The following TAF4 variants were observed in gnomAD, a reference collection of about 807,000 sequenced individuals.
The protein encoded by TAF4 is transcription initiation factor TFIID subunit 4.
TAF4 carries 9 observed loss-of-function variants against 90.3 expected under a neutral mutation model. The ratio of observed to expected loss-of-function variants is 0.10; its 90% CI spans 0.06 to 0.17. The LOEUF is 0.17. Among genes scored for constraint, TAF4 ranks in the 10% least tolerant of loss-of-function variants. The pLI, the probability that TAF4 is intolerant of heterozygous loss-of-function variation, is 1.00. For missense variants in TAF4, 1,351 were observed against 1,370.7 expected (o/e 0.99, Z 0.23); for synonymous variants, 818 against 638.9 (o/e 1.28, Z -4.23).
chr20:61,998,024 A>T (rs2055674241), intron 13 of TAF4, 112 bp downstream of exon 13: 1 of 999,342 alleles, frequency 1.0e-6, no homozygotes, highest in African/African-American at 1.6e-5. Context: ...TTTTAAACAG[A>T]CACGCAAATG....
At chr20:62,054,631 T>C (rs531921272) in intron 1 of TAF4, among the ~76,000 whole-genome samples, 7 of 152,100 alleles carry the variant, frequency 4.6e-5, no homozygotes, top group Non-Finnish European at 1.0e-4. Flanking sequence ...CACCCAGGTG[T>C]CCACCCTCAC....
At chr20:62,034,806 T>C (rs538900398) in intron 1 of TAF4, among the ~76,000 whole-genome samples, 22 of 151,000 alleles carry the variant, frequency 1.5e-4, no homozygotes, top group Middle Eastern at 3.4e-3. Context: ...TTCATGGATA[T>C]AGTCACTATC....
At chr20:62,005,513 T>C (rs2055738959) in intron 7 of TAF4, 1 of 152,280 alleles carries the variant, frequency 6.6e-6, no homozygotes. Context: ...TTGGGTAAAG[T>C]AGCTCCACTG....
intron 7 of TAF4, among the ~76,000 whole-genome samples, chr20:62,004,317 T>G (rs541337164): frequency 6.4e-5 from 8 of 124,896 alleles, no homozygotes; most frequent in Middle Eastern, 8.0e-3. Flanking sequence ...TTTTCTTTTT[T>G]CTTTTCTTTT....
intron 1 of TAF4, among the ~76,000 whole-genome samples, chr20:62,035,849 T>C (rs1238329059): frequency 1.3e-5 from 2 of 152,114 alleles, no homozygotes; most frequent in Non-Finnish European, 2.9e-5. Flanking sequence ...ACAGAACTCC[T>C]ATAATTAATA....
chr20:62,048,155 C>G (rs1045642619), intron 1 of TAF4, among the ~76,000 whole-genome samples: 2 of 152,214 alleles, frequency 1.3e-5, no homozygotes, highest in Admixed American at 1.3e-4. Context: ...CCTGTGGCTG[C>G]GACATACCTA....
chr20:61,997,166 T>C (rs2055668544), intron 14 of TAF4, among the ~76,000 whole-genome samples: 1 of 152,188 alleles, frequency 6.6e-6, no homozygotes, highest in South Asian at 2.1e-4. Context: ...GCAGCAATTC[T>C]TCCCCTTCAT....
rs1348326249 is a variant in TAF4, at chr20:62,053,161, G to C, written c.1360+11290C>G. Among the ~76,000 whole-genome samples, 5 of 152,178 alleles carry C rather than the reference G, an allele frequency of 3.3e-5. No homozygotes were observed. In the East Asian group the frequency reaches 9.7e-4, roughly 30 times the overall value. On this transcript the variant is annotated intron_variant, in intron 1 of 14. Transcript: ENST00000252996. ...CTGGCCCACAGAGCACCCGAAAGTGGAAGAGGGTGGCCCTATCACCTGTCC... is the reference window on the plus strand; with the variant it reads ...CTGGCCCACAGAGCACCCGAAAGTGCAAGAGGGTGGCCCTATCACCTGTCC...
intron 1 of TAF4, among the ~76,000 whole-genome samples, chr20:62,021,982 C>T (rs1682365011): frequency 1.3e-5 from 2 of 152,148 alleles, no homozygotes; most frequent in South Asian, 4.1e-4. Flanking sequence ...CTCAGGCACA[C>T]AGCGGCCAGC....
chr20:62,040,663 T>C (rs988798638), intron 1 of TAF4, among the ~76,000 whole-genome samples: 4 of 152,124 alleles, frequency 2.6e-5, no homozygotes, highest in East Asian at 1.9e-4. Context: ...CCCACTAGAA[T>C]AGGCAAAACA....
At chr20:62,034,303 CAAA>C (rs1158601617) in intron 1 of TAF4, among the ~76,000 whole-genome samples, 1 of 152,150 alleles carries the variant, frequency 6.6e-6, no homozygotes, top group Admixed American at 6.6e-5. Context: ...AACACACTAT[CAAA>C]GAAGAATTAG....
At chr20:61,997,171 C>T (rs2055668580) in intron 14 of TAF4, among the ~76,000 whole-genome samples, 1 of 152,184 alleles carries the variant, frequency 6.6e-6, no homozygotes, top group Non-Finnish European at 1.5e-5. Context: ...AATTCTTCCC[C>T]TTCATTCCAC....
At chr20:62,044,524 G>A (rs2055981965) in intron 1 of TAF4, among the ~76,000 whole-genome samples, 1 of 152,168 alleles carries the variant, frequency 6.6e-6, no homozygotes, top group South Asian at 2.1e-4. Flanking sequence ...GTGGAGTTTT[G>A]AACACAGTAC....
intron 1 of TAF4, among the ~76,000 whole-genome samples, chr20:62,057,060 C>T (rs913837067): frequency 2.6e-5 from 4 of 152,092 alleles, no homozygotes; most frequent in Admixed American, 1.3e-4. Flanking sequence ...GCAGAAGACA[C>T]AGAACTTCCT....
intron 1 of TAF4, among the ~76,000 whole-genome samples, chr20:62,054,567 G>C (rs1267670872): frequency 6.6e-6 from 1 of 152,126 alleles, no homozygotes; most frequent in Admixed American, 6.5e-5. Context: ...CCCAAGAGCT[G>C]ACAGCTCTTT....
intron 1 of TAF4, among the ~76,000 whole-genome samples, chr20:62,053,265 G>A (rs887205400): frequency 3.3e-4 from 50 of 152,234 alleles, no homozygotes; most frequent in African/African-American, 1.2e-3. Context: ...GTGGGGCGAA[G>A]GGAGAGCCAC....
rs1297541125 is a variant in TAF4 at position 61,999,064 on chromosome 20, G to A, written c.2832C>T (p.Leu944=). 6.2e-7 allele frequency: 1 copy of A among 1,613,984 alleles called. No individual in the cohort carries two copies. Among genetic ancestry groups the A allele is most frequent in the African/African-American group, 1.3e-5 (1 of 74,900 alleles). The change falls in exon 12 of 15, where the codon CTC becomes CTT. Residue 944 remains leucine, a synonymous_variant. Coordinates refer to ENST00000252996, the MANE Select transcript of TAF4 (RefSeq NM_003185.4). The stretch of plus-strand genomic sequence containing the variant: ...TTTGATCAAGCTGTTCAAAAAACTT[G>A]AGCTGTGCCCGGACGTCACTCGCCT... ...YEQASDVRAQ[L]KFFEQLDQIE... is the part of the protein sequence containing the mutation.
At chr20:62,053,459 G>A (rs1326985906) in intron 1 of TAF4, among the ~76,000 whole-genome samples, 1 of 152,186 alleles carries the variant, frequency 6.6e-6, no homozygotes, top group East Asian at 1.9e-4. Context: ...GGGAAACACT[G>A]GGGCACCCAC....
chr20:62,064,419 G>A (rs2056109332), intron 1 of TAF4, 32 bp downstream of exon 1: 8 of 1,286,818 alleles, frequency 6.2e-6, no homozygotes, highest in African/African-American at 3.1e-5. Flanking sequence ...GCTGGGAGCC[G>A]CCCTTCCCTC....
Sources: allele counts gnomAD v4.1 joint callset (sites outside exome capture counted in the v4.1 genomes callset), GRCh38; gene constraint gnomAD v4.1.1; transcripts MANE v1.5; gene names NCBI Gene and HGNC (gene_info 2026-07-23, HGNC 2026-07-21).